PRKCB: variants seen among roughly 807,000 people sequenced by gnomAD.
PRKCB encodes protein kinase C beta.
Under a neutral mutation model 81.5 loss-of-function variants are expected in PRKCB, and 13 were observed. The observed-to-expected ratio is 0.16, with a 90% CI of 0.10 to 0.25. The LOEUF is 0.25. Ranked by LOEUF, PRKCB falls within the 10% of genes least tolerant of loss-of-function variation. PRKCB has a pLI of 1.00. For synonymous variants in PRKCB, 335 were observed against 321.4 expected (o/e 1.04, Z -0.45); for missense variants, 509 against 875.7 (o/e 0.58, Z 5.29).
Position 24,217,856 on chromosome 16 carries a change from G to T in PRKCB, c.*3040G>T. Reference sequence around the variant, plus strand: ...TCCTGGAGTTCTCAGACCTTTAGGGGCCCTAACACAGTTCAGTTCATACAG... The same window carrying T: ...TCCTGGAGTTCTCAGACCTTTAGGGTCCCTAACACAGTTCAGTTCATACAG... On this transcript the variant is annotated 3_prime_UTR_variant, in exon 17 of 17. Coordinates refer to ENST00000643927, the MANE Select transcript of PRKCB (RefSeq NM_002738.7). 1 of 985,398 alleles carries T rather than the reference G, an allele frequency of 1.0e-6. No homozygotes were observed. Among genetic ancestry groups the T allele is most frequent in the Non-Finnish European group, 1.2e-6 (1 of 829,932 alleles). 61.0% of individuals were successfully genotyped at this position (985,398 alleles called of 1,614,324 possible).
Position 24,123,892 on chromosome 16 carries a change from T to G in PRKCB, c.976T>G (p.Ser326Ala). The G allele has an allele frequency of 6.2e-7, 1 of 1,614,150 alleles. No homozygotes were observed. The highest frequency in any genetic ancestry group is 2.2e-5 in the East Asian group (1 of 44,882). Residue 326 changes from serine to alanine, a missense_variant, in exon 9 of 17, where the codon TCC becomes GCC. Transcript: ENST00000643927. ...GGAAGAAAAGACGACCAACACTGTC[T>G]CCAAATTTGACAACAATGGCAACAG... ...VPEEKTTNTV[S>A]KFDNNGNRDR...
intron 3 of PRKCB, among the ~76,000 whole-genome samples, chr16:24,030,925 A>G (rs1965543287): frequency 6.6e-6 from 1 of 150,938 alleles, no homozygotes; most frequent in Non-Finnish European, 1.5e-5. Flanking sequence ...TCAGCTCAGC[A>G]TAGTTGCATG....
intron 9 of PRKCB, among the ~76,000 whole-genome samples, chr16:24,140,211 A>G (rs1966885685): frequency 6.6e-6 from 1 of 152,218 alleles, no homozygotes; most frequent in Admixed American, 6.5e-5. Context: ...GACGCTTAAG[A>G]ATACACTTTG....
At chr16:24,012,522 C>G (rs1010242878) in intron 3 of PRKCB, among the ~76,000 whole-genome samples, 3 of 152,242 alleles carry the variant, frequency 2.0e-5, no homozygotes, top group Non-Finnish European at 4.4e-5. Context: ...TCTCACTGGC[C>G]TACCCTTTCC....
intron 2 of PRKCB, among the ~76,000 whole-genome samples, chr16:23,917,697 T>C (rs1963762817): frequency 2.0e-5 from 3 of 152,224 alleles, no homozygotes; most frequent in African/African-American, 7.2e-5. Flanking sequence ...ATGGACCACA[T>C]TTAAAACAGA....
intron 5 of PRKCB, among the ~76,000 whole-genome samples, chr16:24,079,492 T>TA (rs1256291110): frequency 6.6e-6 from 1 of 152,148 alleles, no homozygotes; most frequent in African/African-American, 2.4e-5. Flanking sequence ...TTTTTCTAAC[T>TA]AAAAATGTAA....
intron 16 of PRKCB, among the ~76,000 whole-genome samples, chr16:24,209,608 C>T (rs1968106798): frequency 6.6e-6 from 1 of 152,120 alleles, no homozygotes; most frequent in Admixed American, 6.5e-5. Context: ...CCCAATCCAT[C>T]AGCAAATCTT....
At chr16:24,069,726 C>A (rs1966083782) in intron 5 of PRKCB, among the ~76,000 whole-genome samples, 1 of 152,114 alleles carries the variant, frequency 6.6e-6, no homozygotes, top group Non-Finnish European at 1.5e-5. Context: ...AGTAACAAAG[C>A]AAGACTTTGT....
chr16:23,855,318 G>A (rs889535241), intron 2 of PRKCB, among the ~76,000 whole-genome samples: 1 of 152,038 alleles, frequency 6.6e-6, no homozygotes, highest in African/African-American at 2.4e-5. Flanking sequence ...TCACATGTGG[G>A]GTCTTAGGCA....
intron 2 of PRKCB, among the ~76,000 whole-genome samples, chr16:23,938,010 T>A (rs1231356931): frequency 6.6e-6 from 1 of 152,110 alleles, no homozygotes. Context: ...CTGAGGCAGT[T>A]CAAGAGAGCT....
chr16:23,956,728 A>C (rs928909819), intron 2 of PRKCB, among the ~76,000 whole-genome samples: 1 of 152,254 alleles, frequency 6.6e-6, no homozygotes, highest in African/African-American at 2.4e-5. Context: ...TTAAGCCATG[A>C]AACACATTTC....
At chr16:23,970,239 G>T (rs571739176) in intron 2 of PRKCB, among the ~76,000 whole-genome samples, 22 of 152,124 alleles carry the variant, frequency 1.4e-4, no homozygotes, top group Non-Finnish European at 3.1e-4. Context: ...CAAGGTTAAT[G>T]TCATCTCCAA....
At chr16:24,101,976 C>G (rs556818129) in intron 7 of PRKCB, among the ~76,000 whole-genome samples, 3 of 152,322 alleles carry the variant, frequency 2.0e-5, no homozygotes, top group East Asian at 3.9e-4. Context: ...TAGGGATACA[C>G]AGCTTGTAAG....
In PRKCB at chr16:23,973,169, G is replaced by C. The variant is rs371956851; in HGVS notation, c.206-15339G>C. On this transcript the variant is annotated intron_variant, in intron 2 of 16. Transcript: ENST00000643927. ...AGTGATATTTAATCCTCAGTGAAATGATTTTTTTCTTTTTAATTTTTATTT... is the reference window on the plus strand; with the variant it reads ...AGTGATATTTAATCCTCAGTGAAATCATTTTTTTCTTTTTAATTTTTATTT... Among the ~76,000 whole-genome samples, 8 of 151,734 alleles carry C rather than the reference G, an allele frequency of 5.3e-5. No homozygotes were observed. The East Asian group carries it at 1.2e-3, about 22-fold the overall frequency.
At chr16:24,130,262 T>TA (rs1966851463) in intron 9 of PRKCB, among the ~76,000 whole-genome samples, 1 of 152,152 alleles carries the variant, frequency 6.6e-6, no homozygotes, top group African/African-American at 2.4e-5. Flanking sequence ...CACATTCATT[T>TA]AAAAAATCAC....
chr16:23,982,411 CCTTCT>C (rs1481347824), intron 2 of PRKCB, among the ~76,000 whole-genome samples: 2 of 150,030 alleles, frequency 1.3e-5, no homozygotes, highest in African/African-American at 4.9e-5. Flanking sequence ...CTTCCCTTCC[CCTTCT>C]CTTCTCTTTT....
At chr16:23,889,187 A>G (rs1963252584) in intron 2 of PRKCB, among the ~76,000 whole-genome samples, 1 of 151,270 alleles carries the variant, frequency 6.6e-6, no homozygotes, top group African/African-American at 2.4e-5. Flanking sequence ...TCCACATTCA[A>G]TGTAGTGTAA....
chr16:24,184,977 G>T, intron 13 of PRKCB, 134 bp from the exon 14 acceptor site: 1 of 770,536 alleles, frequency 1.3e-6, no homozygotes, highest in Non-Finnish European at 2.2e-6. Flanking sequence ...AAGCATGTCT[G>T]TCATTCCCTG....
intron 7 of PRKCB, among the ~76,000 whole-genome samples, chr16:24,097,295 C>A (rs1966458290): frequency 6.6e-6 from 1 of 152,250 alleles, no homozygotes; most frequent in Admixed American, 6.5e-5. Context: ...CTTGGCCTCC[C>A]AAAGTGCTGG....
Sources: allele counts gnomAD v4.1 joint callset (sites outside exome capture counted in the v4.1 genomes callset), GRCh38; gene constraint gnomAD v4.1.1; transcripts MANE v1.5; gene names NCBI Gene and HGNC (gene_info 2026-07-23, HGNC 2026-07-21).